The following ABI3BP variants were observed in gnomAD, a reference collection of about 807,000 sequenced individuals.
ABI3BP encodes the protein ABI family member 3 binding protein, also known as target of Nesh-SH3.
ABI3BP carries 216 observed loss-of-function variants against 268.6 expected under a neutral mutation model. That is an observed-to-expected ratio of 0.80 (90% CI 0.72 to 0.90). The LOEUF is 0.90. ABI3BP is among the 40% of genes least tolerant of loss of function. The pLI, the probability that ABI3BP is intolerant of heterozygous loss-of-function variation, is 0.00. For synonymous variants in ABI3BP, 730 were observed against 730.0 expected, an observed-to-expected ratio of 1.00 and a Z score of 0.00; for missense variants, 2,090 against 2,182.4, an observed-to-expected ratio of 0.96 and a Z score of 0.84.
chr3:100,875,302 A>T (rs559162033), intron 8 of ABI3BP, among the ~76,000 whole-genome samples: 2 of 152,326 alleles, frequency 1.3e-5, no homozygotes, highest in South Asian at 4.1e-4. Flanking sequence ...CATGTGCTAG[A>T]GCTATTTCTT....
chr3:100,809,898 C>A (rs753223835), intron 49 of ABI3BP, among the ~76,000 whole-genome samples: 10 of 151,856 alleles, frequency 6.6e-5, no homozygotes, highest in Admixed American at 2.6e-4. Context: ...TATTTGTATG[C>A]AGTGAAATGG....
chr3:100,849,224 CT>C lies in ABI3BP; in HGVS notation c.1502-350del, dbSNP rs547312079. On this transcript the variant is annotated intron_variant, in intron 17 of 67. Coordinates refer to ENST00000471714, the MANE Select transcript of ABI3BP (RefSeq NM_001375547.2). ...CACAAATAATGGAAATTTGGAACTA[CT>C]TTTTTTTTTTTTTTTTTTGGAGACA... Among the ~76,000 whole-genome samples the C allele has an allele frequency of 7.8e-3, 985 of 125,508 alleles. 8 individuals are homozygous for C. The highest frequency in any genetic ancestry group is 0.026 in the African/African-American group (859 of 32,544). 82.3% of individuals were successfully genotyped at this position (125,508 alleles called of 152,430 possible).
chr3:100,925,495 C>T (rs957625386), intron 2 of ABI3BP, among the ~76,000 whole-genome samples: 2 of 152,024 alleles, frequency 1.3e-5, no homozygotes, highest in African/African-American at 4.8e-5. Flanking sequence ...TCACTGCAGC[C>T]TCAGCCTCCC....
Position 100,925,563 on chromosome 3 carries a change from A to T in ABI3BP, c.259+739T>A, listed in dbSNP as rs1454331517. On this transcript the variant is annotated intron_variant, in intron 2 of 67. Transcript: ENST00000471714. Reference sequence around the variant, plus strand: ...CAAGTAGCTGGGACTACAAGGCGTGAGCTACCGTGCCTGGTAAATTTTTGT... The same window carrying T: ...CAAGTAGCTGGGACTACAAGGCGTGTGCTACCGTGCCTGGTAAATTTTTGT... Among the ~76,000 whole-genome samples, 7 of 152,044 alleles carry T rather than the reference A, an allele frequency of 4.6e-5. No homozygotes were observed. The East Asian group carries it at 1.4e-3, about 29-fold the overall frequency.
intron 16 of ABI3BP, 59 bp from the exon 17 acceptor site, chr3:100,850,178 G>T (rs2098821877): frequency 6.8e-7 from 1 of 1,470,276 alleles, no homozygotes; most frequent in East Asian, 2.4e-5. Flanking sequence ...GGTATTTGAA[G>T]AATTTTAACA....
At chr3:100,803,324 T>G (rs1423027336) in intron 51 of ABI3BP, among the ~76,000 whole-genome samples, 1 of 145,324 alleles carries the variant, frequency 6.9e-6, no homozygotes, top group Non-Finnish European at 1.6e-5. Context: ...GGCAAGTTTT[T>G]TTTTTTTTTT....
intron 2 of ABI3BP, among the ~76,000 whole-genome samples, chr3:100,908,952 C>G (rs932595982): frequency 1.3e-5 from 2 of 152,144 alleles, no homozygotes; most frequent in Non-Finnish European, 2.9e-5. Context: ...ATAGCCAAGA[C>G]AATCCTAAGC....
Position 100,881,619 on chromosome 3 carries a change from A to G in ABI3BP, c.696+3917T>C, listed in dbSNP as rs184493192. 2.7e-3 allele frequency among the ~76,000 whole-genome samples: 411 copies of G among 152,174 alleles called. 2 individuals are homozygous for G. Among genetic ancestry groups the G allele is most frequent in the African/African-American group, 9.4e-3 (392 of 41,530 alleles). ...TTTATTTTTTAAAATAATAAAACCT[A>G]ATAGTAAACATTAGGTTTTACCTTC... On this transcript the variant is annotated intron_variant, in intron 6 of 67. Transcript: ENST00000471714.
chr3:100,889,403 G>A (rs1368844665), intron 4 of ABI3BP, among the ~76,000 whole-genome samples: 1 of 152,122 alleles, frequency 6.6e-6, no homozygotes, highest in African/African-American at 2.4e-5. Context: ...GAAAAAGATG[G>A]AAAAATGAAC....
chr3:100,774,627 A>G lies in ABI3BP; in HGVS notation c.4509T>C (p.Pro1503=). The change falls in exon 61 of 68, where the codon CCT becomes CCC. Residue 1503 remains proline (P), a synonymous_variant. Transcript: ENST00000471714. ...TACCTTTGAATCTTGGCTTCCCAAG[A>G]GGATCAGTTTCTCTTGTTGGGCTTG... is the stretch of plus-strand genomic sequence containing the variant. ...FSSSPTRETD[P]LGKPRFKGPH... 6.3e-7 allele frequency: 1 copy of G among 1,586,170 alleles called. No homozygotes were observed. Among genetic ancestry groups the G allele is most frequent in the Non-Finnish European group, 8.6e-7 (1 of 1,165,644 alleles).
chr3:100,967,307 G>A (rs1400460102), intron 1 of ABI3BP, among the ~76,000 whole-genome samples: 2 of 151,920 alleles, frequency 1.3e-5, no homozygotes, highest in Non-Finnish European at 2.9e-5. Context: ...TTCAAGACCA[G>A]CCAGGCCAAC....
intron 63 of ABI3BP, among the ~76,000 whole-genome samples, chr3:100,763,411 C>T (rs1236794203): frequency 1.3e-5 from 2 of 148,574 alleles, no homozygotes; most frequent in Admixed American, 6.7e-5. Flanking sequence ...TGCAGTGAGC[C>T]GAGATCACAC....
At chr3:100,814,255 G>A (rs1182969873) in intron 44 of ABI3BP, among the ~76,000 whole-genome samples, 1 of 152,018 alleles carries the variant, frequency 6.6e-6, no homozygotes, top group African/African-American at 2.4e-5. Context: ...AAGTTCTCAT[G>A]GACTATTGTA....
intron 29 of ABI3BP, 28 bp downstream of exon 29, chr3:100,834,656 C>T: frequency 6.5e-7 from 1 of 1,531,156 alleles, no homozygotes; most frequent in Non-Finnish European, 8.8e-7. Flanking sequence ...TGGGATGCCA[C>T]AGGGACAAGG....
intron 51 of ABI3BP, among the ~76,000 whole-genome samples, chr3:100,804,529 T>C (rs1173075210): frequency 6.6e-6 from 1 of 152,110 alleles, no homozygotes; most frequent in East Asian, 1.9e-4. Flanking sequence ...TTTTTGTAAG[T>C]CAGGGAATAA....
At position 100,749,563 on chromosome 3, in the gene ABI3BP, C is replaced by CAGTT. The variant is rs16334; in HGVS notation, c.*928_*931dup. The CAGTT allele has an allele frequency of 0.55, 217,914 of 396,702 alleles. 62,379 individuals carry two copies. Among genetic ancestry groups the CAGTT allele is most frequent in the Middle Eastern group, 0.61 (963 of 1,568 alleles). 24.6% of individuals were successfully genotyped at this position (396,702 alleles called of 1,614,324 possible). Reference sequence around the variant, plus strand: ...GATTTTTATTACAGATTGAATTAAACAGTTACAAAGACATTCTCTGATACA... The same window carrying CAGTT: ...GATTTTTATTACAGATTGAATTAAACAGTTAGTTACAAAGACATTCTCTGATACA... On this transcript the variant is annotated 3_prime_UTR_variant, in exon 68 of 68. Coordinates refer to ENST00000471714, the MANE Select transcript of ABI3BP (RefSeq NM_001375547.2).
chr3:100,870,511 G>A (rs1261773818), intron 9 of ABI3BP, among the ~76,000 whole-genome samples: 1 of 152,130 alleles, frequency 6.6e-6, no homozygotes, highest in Non-Finnish European at 1.5e-5. Flanking sequence ...CCTCACTTCT[G>A]TTAGGATGGA....
At chr3:100,886,982 T>C (rs1168744360) in intron 4 of ABI3BP, among the ~76,000 whole-genome samples, 1 of 152,010 alleles carries the variant, frequency 6.6e-6, no homozygotes, top group Non-Finnish European at 1.5e-5. Flanking sequence ...TGTAAAATAA[T>C]CCTTATCACT....
intron 20 of ABI3BP, chr3:100,844,302 T>C (rs980489348): frequency 1.0e-6 from 1 of 985,294 alleles, no homozygotes; most frequent in Non-Finnish European, 1.2e-6. Context: ...CATTAGAAGC[T>C]TAAAGATTAA....
Sources: gnomAD v4.1 joint callset for allele counts (sites outside exome capture counted in the v4.1 genomes callset) on GRCh38, gnomAD v4.1.1 for gene constraint, MANE v1.5 for transcripts, NCBI Gene and HGNC (gene_info 2026-07-23, HGNC 2026-07-21) for gene names.